BTBD7: variants seen among roughly 807,000 people sequenced by gnomAD.
The protein encoded by BTBD7 is BTB/POZ domain-containing protein 7.
A neutral mutation model predicts 99.9 loss-of-function variants in BTBD7; 38 were observed. The ratio of observed to expected loss-of-function variants is 0.38; its 90% CI spans 0.29 to 0.50. The LOEUF (loss-of-function observed/expected upper bound fraction) is 0.50, where lower values mean the gene tolerates loss of function less well. BTBD7 is among the 20% of genes least tolerant of loss of function. The pLI, the probability that BTBD7 is intolerant of heterozygous loss-of-function variation, is 0.93. For missense variants in BTBD7, 1,170 were observed against 1,394.6 expected, an observed-to-expected ratio of 0.84 and a Z score of 2.57; for synonymous variants, 520 against 511.4, an observed-to-expected ratio of 1.02 and a Z score of -0.23.
intron 1 of BTBD7, among the ~76,000 whole-genome samples, chr14:93,316,310 C>T (rs1277994085): frequency 6.6e-6 from 1 of 151,526 alleles, no homozygotes; most frequent in East Asian, 1.9e-4. Context: ...GTCACTCAGG[C>T]TGAAGTGTGG....
chr14:93,302,453 A>G (rs2053016312), intron 1 of BTBD7, among the ~76,000 whole-genome samples: 1 of 152,190 alleles, frequency 6.6e-6, no homozygotes, highest in South Asian at 2.1e-4. Flanking sequence ...ACGACAGAAC[A>G]CGTGTAGCCC....
intron 1 of BTBD7, among the ~76,000 whole-genome samples, chr14:93,309,121 T>C (rs1235608972): frequency 6.6e-6 from 1 of 152,184 alleles, no homozygotes; most frequent in East Asian, 1.9e-4. Context: ...TTCCTTTTAA[T>C]GACTGGAGTG....
chr14:93,261,733 T>A (rs553969633), intron 4 of BTBD7, 56 bp from the exon 5 acceptor site: 45 of 1,317,526 alleles, frequency 3.4e-5, no homozygotes, highest in Non-Finnish European at 4.4e-5. Context: ...GTGGTTAATT[T>A]CATTAAGGAC....
rs1248378662 is a variant in BTBD7 at position 93,248,549 on chromosome 14, G to A, written c.2048C>T (p.Thr683Ile). 6.2e-7 allele frequency: 1 copy of A among 1,614,036 alleles called. No individual in the cohort carries two copies. Among genetic ancestry groups the A allele is most frequent in the African/African-American group, 1.3e-5 (1 of 74,938 alleles). Residue 683 changes from threonine to isoleucine, a missense_variant, in exon 9 of 11, where the codon ACT becomes ATT. Transcript: ENST00000334746. ...AYALNCGEGA[T>I]VSYEIQIRVL... ...TCGAATCTGAATTTCATAGCTGACA[G>A]TGGCGCCTTCCCCGCAGTTCAGGGC...
chr14:93,250,864 C>T (rs1230333119), intron 8 of BTBD7, among the ~76,000 whole-genome samples: 1 of 152,156 alleles, frequency 6.6e-6, no homozygotes, highest in Non-Finnish European at 1.5e-5. Flanking sequence ...ACAGTGATCA[C>T]ATTTTGGAAG....
At chr14:93,324,971 A>G (rs745556642) in intron 1 of BTBD7, among the ~76,000 whole-genome samples, 25 of 152,236 alleles carry the variant, frequency 1.6e-4, no homozygotes, top group Non-Finnish European at 3.2e-4. Context: ...ACAGAGGCAC[A>G]GGGAACAAGA....
intron 3 of BTBD7, among the ~76,000 whole-genome samples, chr14:93,291,391 G>A (rs1423541510): frequency 6.6e-6 from 1 of 152,080 alleles, no homozygotes; most frequent in Non-Finnish European, 1.5e-5. Flanking sequence ...ACTAAGACAC[G>A]GTAGAGAACT....
chr14:93,329,231 A>G (rs1195337611), intron 1 of BTBD7, among the ~76,000 whole-genome samples: 1 of 152,188 alleles, frequency 6.6e-6, no homozygotes, highest in Non-Finnish European at 1.5e-5. Flanking sequence ...ATATTTTTCT[A>G]AAAAAATACA....
intron 1 of BTBD7, among the ~76,000 whole-genome samples, chr14:93,300,182 T>C (rs1240767004): frequency 6.6e-6 from 1 of 151,678 alleles, no homozygotes; most frequent in African/African-American, 2.4e-5. Flanking sequence ...CGAAACAGAG[T>C]TCCAAAAATT....
At chr14:93,288,272 C>A in intron 3 of BTBD7, 2 of 510,772 alleles carry the variant, frequency 3.9e-6, no homozygotes, top group South Asian at 3.4e-5. Context: ...ATTTCTAAAG[C>A]CACTATTTGT....
chr14:93,289,184 T>C (rs531281293), intron 3 of BTBD7, among the ~76,000 whole-genome samples: 99 of 152,206 alleles, frequency 6.5e-4, no homozygotes, highest in African/African-American at 2.3e-3. Flanking sequence ...ATGAATACAA[T>C]CCATGCATAC....
chr14:93,316,473 T>C (rs1274824627), intron 1 of BTBD7, among the ~76,000 whole-genome samples: 2 of 152,168 alleles, frequency 1.3e-5, no homozygotes, highest in Non-Finnish European at 2.9e-5. Flanking sequence ...GGTCTTGAAC[T>C]CTTGGCCTCA....
intron 10 of BTBD7, among the ~76,000 whole-genome samples, 169 bp from the exon 11 acceptor site, chr14:93,243,257 G>A (rs1020623898): frequency 2.6e-5 from 4 of 151,772 alleles, no homozygotes; most frequent in Non-Finnish European, 5.9e-5. Flanking sequence ...GCAGTGGTGC[G>A]ATCTCAGCTT....
At chr14:93,262,138 T>C (rs1234024844) in intron 4 of BTBD7, among the ~76,000 whole-genome samples, 1 of 150,448 alleles carries the variant, frequency 6.6e-6, no homozygotes, top group Non-Finnish European at 1.5e-5. Context: ...AGCTAATTTT[T>C]TTTTTTTTTT....
Position 93,257,274 on chromosome 14 carries a change from C to T in BTBD7, c.1529G>A (p.Arg510Lys). Residue 510 changes from arginine (R) to lysine (K), a missense_variant, in exon 6 of 11, where the codon AGA becomes AAA. This residue lies in a region of BTBD7 where 309 missense variants were observed against 342.0 expected (regional missense o/e 0.90). Coordinates refer to ENST00000334746, the MANE Select transcript of BTBD7 (RefSeq NM_001002860.4). ...KRRDLDMEELREILSSLLPFV... is the reference protein window; with the variant it reads ...KRRDLDMEELKEILSSLLPFV... ...AGGTAAGAGAGAAGAAAGGATCTCT[C>T]TGAGCTCTTCCATGTCCAGGTCCCG... 2.5e-6 allele frequency: 4 copies of T among 1,614,146 alleles called. No homozygotes were observed. Among genetic ancestry groups the T allele is most frequent in the Non-Finnish European group, 2.5e-6 (3 of 1,179,994 alleles).
rs150272337 is a variant in BTBD7, at chr14:93,267,244, C to T, written c.1163-3251G>A. ...TAAACTGCTGAGGTTTACAAAGCAG[C>T]AGGATACAGTAGGAAAAAAAATGGG... On this transcript the variant is annotated intron_variant, in intron 3 of 10. Transcript: ENST00000334746. Among the ~76,000 whole-genome samples the T allele has an allele frequency of 2.6e-4, 39 of 152,194 alleles. No homozygotes were observed. The East Asian group carries it at 5.2e-3, about 20-fold the overall frequency.
chr14:93,282,646 G>A (rs2052734448), intron 3 of BTBD7, among the ~76,000 whole-genome samples: 1 of 152,006 alleles, frequency 6.6e-6, no homozygotes, highest in Non-Finnish European at 1.5e-5. Flanking sequence ...TTGGTTTTAA[G>A]ACAGAAACTT....
At chr14:93,245,142 G>GT (rs2052289174) in intron 10 of BTBD7, among the ~76,000 whole-genome samples, 1 of 145,472 alleles carries the variant, frequency 6.9e-6, no homozygotes, top group East Asian at 2.0e-4. Context: ...GATTACAGGT[G>GT]TGAGTCATGG....
chr14:93,309,054 G>C (rs1352680380), intron 1 of BTBD7, among the ~76,000 whole-genome samples: 1 of 152,102 alleles, frequency 6.6e-6, no homozygotes, highest in Non-Finnish European at 1.5e-5. Flanking sequence ...AAACAGAAAA[G>C]CAATGACATA....
Sources: allele counts gnomAD v4.1 joint callset (sites outside exome capture counted in the v4.1 genomes callset), GRCh38; gene constraint gnomAD v4.1.1; regional missense constraint gnomAD v4.1.1; transcripts MANE v1.5; gene names NCBI Gene and HGNC (gene_info 2026-07-23, HGNC 2026-07-21).